The following SNRK variants were observed in gnomAD, a reference collection of about 807,000 sequenced individuals.
SNRK encodes SNF-related serine/threonine-protein kinase.
Under a neutral mutation model 48.2 loss-of-function variants are expected in SNRK, and 3 were observed. The observed-to-expected ratio is 0.06, with a 90% confidence interval of 0.03 to 0.16. The LOEUF (loss-of-function observed/expected upper bound fraction) is 0.16, where lower values mean the gene tolerates loss of function less well. Ranked by LOEUF, SNRK falls within the 10% of genes least tolerant of loss-of-function variation. The pLI is 1.00. For synonymous variants in SNRK, 376 were observed against 366.1 expected (o/e 1.03, Z -0.31); for missense variants, 627 against 976.0 (o/e 0.64, Z 4.76).
At chr3:43,314,322 C>T (rs2090999522) in intron 3 of SNRK, among the ~76,000 whole-genome samples, 1 of 152,024 alleles carries the variant, frequency 6.6e-6, no homozygotes, top group Non-Finnish European at 1.5e-5. Context: ...TTTTAAAATC[C>T]AGTATGCATT....
chr3:43,312,289 A>G (rs1284585602), intron 3 of SNRK, among the ~76,000 whole-genome samples: 1 of 152,236 alleles, frequency 6.6e-6, no homozygotes. Flanking sequence ...AATATAAACA[A>G]AAAGCCTATA....
chr3:43,298,243 G>A (rs2090871555), intron 1 of SNRK, among the ~76,000 whole-genome samples: 1 of 152,160 alleles, frequency 6.6e-6, no homozygotes, highest in South Asian at 2.1e-4. Context: ...GGTGAGCTGG[G>A]ATTCAAATGC....
chr3:43,329,333 G>A (rs1293907505), intron 3 of SNRK, among the ~76,000 whole-genome samples: 1 of 152,050 alleles, frequency 6.6e-6, no homozygotes, highest in Non-Finnish European at 1.5e-5. Context: ...AGCTACTCGG[G>A]AGGCTAAGGC....
chr3:43,307,879 A>G (rs1412793042), intron 3 of SNRK, among the ~76,000 whole-genome samples: 2 of 152,272 alleles, frequency 1.3e-5, no homozygotes, highest in African/African-American at 4.8e-5. Context: ...GAGGCAAGAT[A>G]GACTGAAAGC....
At chr3:43,322,124 C>A (rs1389894315) in intron 3 of SNRK, among the ~76,000 whole-genome samples, 1 of 152,228 alleles carries the variant, frequency 6.6e-6, no homozygotes, top group African/African-American at 2.4e-5. Flanking sequence ...CATGGTTCTT[C>A]AGCTGGTCAT....
chr3:43,338,530 G>A (rs2091208329), intron 4 of SNRK, among the ~76,000 whole-genome samples: 1 of 152,204 alleles, frequency 6.6e-6, no homozygotes, highest in East Asian at 1.9e-4. Flanking sequence ...ATTGTGCTTA[G>A]GATGTGTTAG....
chr3:43,323,689 T>C (rs2091072558), intron 3 of SNRK, among the ~76,000 whole-genome samples: 1 of 152,124 alleles, frequency 6.6e-6, no homozygotes. Context: ...TTCATAACTG[T>C]CCCAAACTGA....
chr3:43,311,938 A>G (rs139206441), intron 3 of SNRK, among the ~76,000 whole-genome samples: 13 of 152,300 alleles, frequency 8.5e-5, no homozygotes, highest in African/African-American at 3.1e-4. Context: ...TTCTTAAATA[A>G]TAGATTCACA....
chr3:43,291,242 G>C (rs2090809898), intron 1 of SNRK, among the ~76,000 whole-genome samples: 1 of 152,126 alleles, frequency 6.6e-6, no homozygotes, highest in South Asian at 2.1e-4. Context: ...CCTTACCGTT[G>C]CCAGTTTCAG....
chr3:43,330,179 T>C (rs1367285640), intron 3 of SNRK, among the ~76,000 whole-genome samples: 1 of 152,224 alleles, frequency 6.6e-6, no homozygotes, highest in Admixed American at 6.5e-5. Flanking sequence ...ATTTGAACAA[T>C]AGAAGAAAAA....
At chr3:43,324,508 C>CA (rs11299310) in intron 3 of SNRK, among the ~76,000 whole-genome samples, 1,062 of 96,192 alleles carry the variant, frequency 0.011, 12 homozygotes, top group African/African-American at 0.024. Context: ...GACTCTGTCT[C>CA]AAAAAAAAAA....
chr3:43,324,278 G>A lies in SNRK; in HGVS notation c.590-7891G>A, dbSNP rs952896676. Among the ~76,000 whole-genome samples, 5 of 152,190 alleles carry A rather than the reference G, an allele frequency of 3.3e-5. No homozygotes were observed. In the East Asian group the frequency reaches 5.8e-4, roughly 18 times the overall value. On this transcript the variant is annotated intron_variant, in intron 3 of 6. Coordinates refer to ENST00000296088, the MANE Select transcript of SNRK (RefSeq NM_017719.5). ...TAATCCGAGCACTTTGGGAGGCCAA[G>A]GCGGGTGGATCACAAGGTCAGGAGT...
chr3:43,334,663 G>A (rs544443180), intron 4 of SNRK, among the ~76,000 whole-genome samples: 39 of 151,312 alleles, frequency 2.6e-4, no homozygotes, highest in Admixed American at 2.6e-4. Context: ...GCACAGTCTC[G>A]GCTCACTTCA....
At chr3:43,343,118 C>G (rs769345072) in intron 5 of SNRK, 4 of 465,564 alleles carry the variant, frequency 8.6e-6, no homozygotes, top group Non-Finnish European at 1.4e-5. Context: ...CTCTCATTTA[C>G]GAAAAATCTT....
At chr3:43,325,741 TG>T (rs1350958489) in intron 3 of SNRK, among the ~76,000 whole-genome samples, 1 of 152,198 alleles carries the variant, frequency 6.6e-6, no homozygotes, top group African/African-American at 2.4e-5. Context: ...AAATTTGAAA[TG>T]TGAAATCACT....
chr3:43,303,824 T>A lies in SNRK; in HGVS notation c.589+32T>A. On this transcript the variant is annotated intron_variant, in intron 3 of 6. Coordinates refer to ENST00000296088, the MANE Select transcript of SNRK (RefSeq NM_017719.5). The surrounding 1 kb of genome is among the most constrained non-coding windows in gnomAD (Gnocchi z 6.2). ...AACCTCGGTCCAGTATTTGGCCATT[T>A]GAATTCTGCCAGCTAGAGTTGGTCA... 1 of 1,440,152 alleles carries A rather than the reference T, an allele frequency of 6.9e-7. No homozygotes were observed. Among genetic ancestry groups the A allele is most frequent in the South Asian group, 1.2e-5 (1 of 82,194 alleles). 89.2% of individuals were successfully genotyped at this position (1,440,152 alleles called of 1,614,324 possible).
chr3:43,343,171 T>TA, intron 5 of SNRK, 173 bp from the exon 6 acceptor site: 2 of 737,808 alleles, frequency 2.7e-6, no homozygotes, highest in South Asian at 5.8e-5. Context: ...TTTAGAACTT[T>TA]GAGTGACCTA....
Position 43,348,918 on chromosome 3 carries a change from T to G in SNRK, c.*361T>G. ...TGCTTTTCTTTGTGAAAAATCTGAA[T>G]TCCTGTCCTGACCTTCTGTGATGTG... On this transcript the variant is annotated 3_prime_UTR_variant, in exon 7 of 7. Coordinates refer to ENST00000296088, the MANE Select transcript of SNRK (RefSeq NM_017719.5). The G allele has an allele frequency of 6.1e-6, 1 of 163,990 alleles. No homozygotes were observed. Among genetic ancestry groups the G allele is most frequent in the Non-Finnish European group, 1.3e-5 (1 of 75,746 alleles). 10.2% of individuals were successfully genotyped at this position (163,990 alleles called of 1,614,324 possible).
intron 1 of SNRK, among the ~76,000 whole-genome samples, chr3:43,294,129 A>G (rs377246106): frequency 1.3e-5 from 2 of 152,180 alleles, no homozygotes; most frequent in East Asian, 3.9e-4. Flanking sequence ...GCATGTATAA[A>G]TATCACTGAA....
Sources: gnomAD v4.1 joint callset for allele counts (sites outside exome capture counted in the v4.1 genomes callset) on GRCh38, gnomAD v4.1.1 for gene constraint, Gnocchi (gnomAD v3.1) non-coding constraint, MANE v1.5 for transcripts, NCBI Gene and HGNC (gene_info 2026-07-23, HGNC 2026-07-21) for gene names.